Variants in CUL9 observed in about 807,000 individuals in gnomAD.
CUL9 encodes cullin 9.
Under a neutral mutation model 272.6 loss-of-function variants are expected in CUL9, and 79 were observed. The observed-to-expected ratio is 0.29, with a 90% CI of 0.24 to 0.35. The LOEUF (loss-of-function observed/expected upper bound fraction) is 0.35. Among genes scored for constraint, CUL9 ranks in the 10% least tolerant of loss-of-function variants. CUL9 has a pLI of 1.00. For synonymous variants in CUL9, 1,186 were observed against 1,286.5 expected (o/e 0.92, Z 1.67); for missense variants, 2,532 against 3,255.6 (o/e 0.78, Z 5.41).
rs1776302977 is a variant in CUL9 at position 43,220,795 on chromosome 6, A to T, written c.6472A>T (p.Thr2158Ser). 3 of 1,613,324 alleles carry T rather than the reference A, an allele frequency of 1.9e-6. No homozygotes were observed. Among genetic ancestry groups the T allele is most frequent in the East Asian group, 2.2e-5 (1 of 44,866 alleles). Residue 2158 changes from threonine to serine, a missense_variant, in exon 33 of 41, where the codon ACC (threonine) becomes TCC (serine). Thr to Ser is a moderately conservative substitution (Grantham distance 58, BLOSUM62 1). Around this residue, in one of 3 missense-constraint regions of CUL9, gnomAD observed 2,218 missense variants for 2,788.6 expected, o/e 0.80. Transcript: ENST00000252050. This position sits in a 1 kb window ranked among gnomAD's most constrained non-coding sequence, Gnocchi z 4.9. ...RGYVESCSNL[T>S]WCTNPQGCDR... Reference sequence around the variant, plus strand: ...CTATGTGGAGAGCTGCTCCAACCTGACCTGGTGCACCAACCCCCAGGGCTG... The same window carrying T: ...CTATGTGGAGAGCTGCTCCAACCTGTCCTGGTGCACCAACCCCCAGGGCTG...
intron 26 of CUL9, among the ~76,000 whole-genome samples, chr6:43,209,718 T>C (rs1449640207): frequency 3.3e-5 from 5 of 152,034 alleles, no homozygotes; most frequent in African/African-American, 4.8e-5. Context: ...CAATCCCAGC[T>C]CACTGCAACC....
Position 43,196,392 on chromosome 6 carries a change from G to A in CUL9, c.2585+127G>A. The A allele has an allele frequency of 6.0e-6, 6 of 996,992 alleles. No homozygotes were observed. In the South Asian group the frequency reaches 9.8e-5, roughly 16 times the overall value. The allele number at this position is 996,992 out of a possible 1,614,324, so 61.8% of individuals were successfully genotyped here. A position where few individuals can be genotyped will look rare whatever the true frequency, so the allele number is the denominator to read the frequency against. Reference sequence around the variant, plus strand: ...GTCACCTCCGGATTAAGCATTGGTGGCGCTGCCAACTGTTGTTGGAGGAGA... The same window carrying A: ...GTCACCTCCGGATTAAGCATTGGTGACGCTGCCAACTGTTGTTGGAGGAGA... On this transcript the variant is annotated intron_variant, in intron 10 of 40. Transcript: ENST00000252050.
rs1291431081 is a variant in CUL9 at position 43,200,655 on chromosome 6, G to T, written c.3476-8G>T. ...CTGTGACTGCCACCCCTTCCCACTT[G>T]CCCCCAGGCTCCAGTGTGGAAGTGA... is the stretch of plus-strand genomic sequence containing the variant. On this transcript the variant is annotated splice_polypyrimidine_tract_variant and splice_region_variant and intron_variant, in intron 15 of 40. Transcript: ENST00000252050. This position sits in a 1 kb window ranked among gnomAD's most constrained non-coding sequence, Gnocchi z 4.0. 17 of 1,613,716 alleles carry T rather than the reference G, an allele frequency of 1.1e-5. No individual in the cohort carries two copies. In the South Asian group the frequency reaches 1.8e-4, roughly 17 times the overall value.
chr6:43,203,769 G>T lies in CUL9; in HGVS notation c.4026-85G>T. The T allele has an allele frequency of 1.3e-6, 2 of 1,538,918 alleles. No individual in the cohort carries two copies. Among genetic ancestry groups the T allele is most frequent in the Non-Finnish European group, 1.8e-6 (2 of 1,139,318 alleles). ...AAGTTGGGTCAGGGACCGAACAGGG[G>T]TGATTGGGAGCTGATCTGCACTTGA... is the stretch of plus-strand genomic sequence containing the variant. On this transcript the variant is annotated intron_variant, in intron 19 of 40. Coordinates refer to ENST00000252050, the MANE Select transcript of CUL9 (RefSeq NM_015089.4). This position sits in a 1 kb window ranked among gnomAD's most constrained non-coding sequence, Gnocchi z 5.0.
intron 16 of CUL9, among the ~76,000 whole-genome samples, chr6:43,201,706 C>A (rs1047456595): frequency 6.6e-6 from 1 of 152,186 alleles, no homozygotes; most frequent in Non-Finnish European, 1.5e-5. Flanking sequence ...GTCTCGATCT[C>A]CTGACCTCGT....
At position 43,203,705 on chromosome 6, in the gene CUL9, G is replaced by C. The variant is rs976522288; in HGVS notation, c.4025+113G>C. ...AAAGCTGCAGCCAGGACATGAGGGG[G>C]AAGGTGAACGTAGGTGAGAAGTTTG... is the stretch of plus-strand genomic sequence containing the variant. On this transcript the variant is annotated intron_variant, in intron 19 of 40. Coordinates refer to ENST00000252050, the MANE Select transcript of CUL9 (RefSeq NM_015089.4). This position sits in a 1 kb window ranked among gnomAD's most constrained non-coding sequence, Gnocchi z 5.0. 1.3e-6 allele frequency: 2 copies of C among 1,507,726 alleles called. No homozygotes were observed. The highest frequency in any genetic ancestry group is 4.5e-5 in the East Asian group (2 of 44,044). 93.4% of individuals were successfully genotyped at this position (1,507,726 alleles called of 1,614,324 possible).
At chr6:43,201,196 C>G (rs1774499346) in intron 16 of CUL9, among the ~76,000 whole-genome samples, 1 of 152,174 alleles carries the variant, frequency 6.6e-6, no homozygotes, top group Non-Finnish European at 1.5e-5. Flanking sequence ...TACCTACATT[C>G]CAGCTGGGGA....
intron 24 of CUL9, 77 bp downstream of exon 24, chr6:43,205,500 G>GTCC: frequency 6.7e-7 from 1 of 1,499,626 alleles, no homozygotes; most frequent in African/African-American, 1.4e-5. Context: ...TTATAGGGGA[G>GTCC]ATGAGAAAAG....
intron 26 of CUL9, among the ~76,000 whole-genome samples, chr6:43,210,870 C>T (rs1394087342): frequency 6.6e-6 from 1 of 152,040 alleles, no homozygotes; most frequent in Non-Finnish European, 1.5e-5. Flanking sequence ...ACATATGATT[C>T]TACCCTGGGT....
rs1776370386 is a variant in CUL9 at position 43,221,582 on chromosome 6, A to T, written c.6753-103A>T. 1 of 1,101,932 alleles carries T rather than the reference A, an allele frequency of 9.1e-7. No homozygotes were observed. The highest frequency in any genetic ancestry group is 1.3e-6 in the Non-Finnish European group (1 of 754,970). The allele number at this position is 1,101,932 out of a possible 1,614,324, so 68.3% of individuals were successfully genotyped here. A position where few individuals can be genotyped will look rare whatever the true frequency, so the allele number is the denominator to read the frequency against. On this transcript the variant is annotated intron_variant, in intron 34 of 40. Transcript: ENST00000252050. The surrounding 1 kb of genome is among the most constrained non-coding windows in gnomAD (Gnocchi z 4.2). ...TGACTAAGGAGACTATCAGGGCAGGAGCAGAGGCCACAGCATCAACAGCGG... is the reference window on the plus strand; with the variant it reads ...TGACTAAGGAGACTATCAGGGCAGGTGCAGAGGCCACAGCATCAACAGCGG...
chr6:43,204,533 C>A lies in CUL9; in HGVS notation c.4333C>A (p.Arg1445=). The A allele has an allele frequency of 1.2e-6, 2 of 1,614,068 alleles. No homozygotes were observed. Among genetic ancestry groups the A allele is most frequent in the Non-Finnish European group, 1.7e-6 (2 of 1,180,028 alleles). ...PPGPSPEPST[R]PFSKNSKGRD... is the part of the protein sequence containing the mutation. The stretch of plus-strand genomic sequence containing the variant: ...TGGGCCTTCTCCTGAGCCATCCACT[C>A]GGCCCTGTAAGTCCCAGCTGTGGCC... The change falls in exon 21 of 41, where the codon CGG becomes AGG. Residue 1445 remains arginine, a synonymous_variant. Coordinates refer to ENST00000252050, the MANE Select transcript of CUL9 (RefSeq NM_015089.4).
chr6:43,192,547 G>A (rs1043429058), intron 8 of CUL9, among the ~76,000 whole-genome samples: 3 of 152,248 alleles, frequency 2.0e-5, no homozygotes, highest in South Asian at 2.1e-4. Context: ...GTGGTAGCAC[G>A]CACCTGTAGT....
chr6:43,221,813 C>T lies in CUL9; in HGVS notation c.6846+35C>T, dbSNP rs1367964950. ...TGGGCACTAGGGGAGGGCAGAGGCC[C>T]AGAGCCGTCGGGGAGGGGTGCTGCT... On this transcript the variant is annotated intron_variant, in intron 35 of 40. Transcript: ENST00000252050. This position sits in a 1 kb window ranked among gnomAD's most constrained non-coding sequence, Gnocchi z 4.2. The T allele has an allele frequency of 6.3e-7, 1 of 1,587,062 alleles. No homozygotes were observed. The highest frequency in any genetic ancestry group is 1.3e-5 in the African/African-American group (1 of 74,706).
In CUL9 at chr6:43,218,807, T is replaced by C. The variant is rs1776122307; in HGVS notation, c.6283-1652T>C. Among the ~76,000 whole-genome samples the C allele has an allele frequency of 6.6e-6, 1 of 152,170 alleles. No homozygotes were observed. Among genetic ancestry groups the C allele is most frequent in the Admixed American group, 6.5e-5 (1 of 15,278 alleles). On this transcript the variant is annotated intron_variant, in intron 31 of 40. Transcript: ENST00000252050. The surrounding 1 kb of genome is among the most constrained non-coding windows in gnomAD (Gnocchi z 4.4). Reference sequence around the variant, plus strand: ...GGCATGTGTCATCTTTACTCTGTTGTGGCCCTGTGAAGTTTGAGCTGCTTG... The same window carrying C: ...GGCATGTGTCATCTTTACTCTGTTGCGGCCCTGTGAAGTTTGAGCTGCTTG...
At position 43,199,438 on chromosome 6, in the gene CUL9, C is replaced by A; in HGVS notation, c.3156+67C>A. On this transcript the variant is annotated intron_variant, in intron 13 of 40. Transcript: ENST00000252050. The surrounding 1 kb of genome is among the most constrained non-coding windows in gnomAD (Gnocchi z 4.4). ...TCTGGGGCACCAACTCCTTGTGAGGCTCTGGAGGGCACAGCAGAGCCTTTC... is the reference window on the plus strand; with the variant it reads ...TCTGGGGCACCAACTCCTTGTGAGGATCTGGAGGGCACAGCAGAGCCTTTC... 2 of 1,238,614 alleles carry A rather than the reference C, an allele frequency of 1.6e-6. No individual in the cohort carries two copies. The highest frequency in any genetic ancestry group is 1.2e-6 in the Non-Finnish European group (1 of 842,446). 76.7% of individuals were successfully genotyped at this position (1,238,614 alleles called of 1,614,324 possible).
intron 9 of CUL9, among the ~76,000 whole-genome samples, chr6:43,195,423 A>G (rs1245832725): frequency 6.6e-6 from 1 of 152,250 alleles, no homozygotes; most frequent in Non-Finnish European, 1.5e-5. Flanking sequence ...AGTCTTATCT[A>G]GAAGGGCTGG....
chr6:43,213,169 G>A lies in CUL9; in HGVS notation c.5233G>A (p.Asp1745Asn). The change falls in exon 27 of 41, where the codon GAC becomes AAC. Residue 1745 changes from aspartate to asparagine, a missense_variant. Asp to Asn is a conservative substitution (Grantham distance 23). This residue lies in a region of CUL9 where 2,218 missense variants were observed against 2,788.6 expected (regional missense o/e 0.80). Coordinates refer to ENST00000252050, the MANE Select transcript of CUL9 (RefSeq NM_015089.4). This position sits in a 1 kb window ranked among gnomAD's most constrained non-coding sequence, Gnocchi z 5.7. ...YSQSQNHPVL[D>N]MGPHRRLQWT... is the part of the protein sequence containing the mutation. ...CCTAGGTCAGAACCATCCAGTCCTG[G>A]ACATGGGACCACATCGGCGACTGCA... is the stretch of plus-strand genomic sequence containing the variant. 2 of 1,614,114 alleles carry A rather than the reference G, an allele frequency of 1.2e-6. No individual in the cohort carries two copies.
At chr6:43,222,920 CCCT>C (rs755530164) in intron 38 of CUL9, 24 bp downstream of exon 38, 1 of 1,589,944 alleles carries the variant, frequency 6.3e-7, no homozygotes, top group Admixed American at 1.7e-5. Flanking sequence ...GCCAGCCAGG[CCCT>C]CCTCCTGCCT....
chr6:43,200,926 C>G lies in CUL9; in HGVS notation c.3647+92C>G. 1 of 1,504,200 alleles carries G rather than the reference C, an allele frequency of 6.6e-7. No individual in the cohort carries two copies. The highest frequency in any genetic ancestry group is 1.2e-5 in the South Asian group (1 of 84,994). The allele number at this position is 1,504,200 out of a possible 1,614,324, so 93.2% of individuals were successfully genotyped here. A position where few individuals can be genotyped will look rare whatever the true frequency, so the allele number is the denominator to read the frequency against. ...CACAACCCCAGCTATAACCCCAATGCCTGAGGGACACACTCAAACCTATTT... is the reference window on the plus strand; with the variant it reads ...CACAACCCCAGCTATAACCCCAATGGCTGAGGGACACACTCAAACCTATTT... On this transcript the variant is annotated intron_variant, in intron 16 of 40. Transcript: ENST00000252050. The surrounding 1 kb of genome is among the most constrained non-coding windows in gnomAD (Gnocchi z 4.0).
Sources: allele counts gnomAD v4.1 joint callset (sites outside exome capture counted in the v4.1 genomes callset), GRCh38; gene constraint gnomAD v4.1.1; regional missense constraint gnomAD v4.1.1; non-coding constraint Gnocchi (gnomAD v3.1); transcripts MANE v1.5; gene names NCBI Gene and HGNC (gene_info 2026-07-23, HGNC 2026-07-21).